RFX4: variants seen among roughly 807,000 people sequenced by gnomAD.
RFX4 encodes the protein regulatory factor X4.
In RFX4, 10 loss-of-function variants were observed where a neutral mutation model predicts 95.0. The observed-to-expected ratio is 0.11, with a 90% CI of 0.06 to 0.18. The LOEUF (loss-of-function observed/expected upper bound fraction) is 0.18, where lower values mean the gene tolerates loss of function less well. Among genes scored for constraint, RFX4 ranks in the 10% least tolerant of loss-of-function variants. The probability of loss-of-function intolerance (pLI) is 1.00; values close to 1 mark genes in which losing one functional copy is unlikely to be tolerated. For missense variants in RFX4, 640 were observed against 922.0 expected (o/e 0.69, Z 3.96); for synonymous variants, 321 against 340.7 (o/e 0.94, Z 0.64).
At chr12:106,630,230 G>A (rs1283346748) in intron 2 of RFX4, among the ~76,000 whole-genome samples, 1 of 152,162 alleles carries the variant, frequency 6.6e-6, no homozygotes, top group African/African-American at 2.4e-5. Flanking sequence ...TTGTACTCAT[G>A]TTGTGGTTTT....
At chr12:106,698,532 T>A (rs2041927120) in intron 8 of RFX4, among the ~76,000 whole-genome samples, 1 of 152,218 alleles carries the variant, frequency 6.6e-6, no homozygotes. Context: ...TTGCTAGATC[T>A]GAATTGTTAA....
intron 1 of RFX4, among the ~76,000 whole-genome samples, chr12:106,591,299 G>A (rs1359367495): frequency 2.0e-5 from 2 of 102,432 alleles, no homozygotes; most frequent in Non-Finnish European, 3.6e-5. Flanking sequence ...ACGGAGTCTT[G>A]CACTGTCACC....
intron 2 of RFX4, among the ~76,000 whole-genome samples, chr12:106,632,714 T>C (rs1459856635): frequency 6.6e-6 from 1 of 152,240 alleles, no homozygotes; most frequent in Admixed American, 6.5e-5. Flanking sequence ...AAATGGGGTC[T>C]TGCCATGTTG....
At chr12:106,653,769 C>T (rs2040901338) in intron 3 of RFX4, among the ~76,000 whole-genome samples, 1 of 152,210 alleles carries the variant, frequency 6.6e-6, no homozygotes. Context: ...CAGACAATCC[C>T]CCTCCATAGC....
intron 2 of RFX4, among the ~76,000 whole-genome samples, chr12:106,628,430 C>G (rs943028642): frequency 1.3e-5 from 2 of 152,174 alleles, no homozygotes; most frequent in Non-Finnish European, 2.9e-5. Context: ...ACCATAAAGC[C>G]TCCCTAGATT....
At chr12:106,695,169 A>G (rs1406993466) in intron 7 of RFX4, among the ~76,000 whole-genome samples, 1 of 152,210 alleles carries the variant, frequency 6.6e-6, no homozygotes, top group Non-Finnish European at 1.5e-5. Flanking sequence ...GTGGAACTCA[A>G]GAGTGCCCAT....
chr12:106,691,738 C>G (rs1270048188), intron 7 of RFX4, among the ~76,000 whole-genome samples: 2 of 152,174 alleles, frequency 1.3e-5, no homozygotes, highest in African/African-American at 4.8e-5. Flanking sequence ...CTGTCTTGTT[C>G]ACTACTATAT....
At chr12:106,593,607 T>C (rs1592829991) in intron 1 of RFX4, among the ~76,000 whole-genome samples, 1 of 152,246 alleles carries the variant, frequency 6.6e-6, no homozygotes, top group African/African-American at 2.4e-5. Context: ...TGCCTTTGTT[T>C]TGAATCTTGG....
intron 8 of RFX4, among the ~76,000 whole-genome samples, chr12:106,708,316 G>A (rs1455230788): frequency 2.0e-5 from 3 of 151,818 alleles, no homozygotes; most frequent in Non-Finnish European, 4.4e-5. Flanking sequence ...TGCTGATGAC[G>A]TCCTTCCTTT....
At chr12:106,583,888 G>A (rs2039412738) in intron 1 of RFX4, among the ~76,000 whole-genome samples, 1 of 152,250 alleles carries the variant, frequency 6.6e-6, no homozygotes, top group Non-Finnish European at 1.5e-5. Flanking sequence ...CGCAGCTGGA[G>A]GGAGTGGCGG....
At chr12:106,760,983 C>T (rs964345625) in intron 17 of RFX4, among the ~76,000 whole-genome samples, 1 of 152,098 alleles carries the variant, frequency 6.6e-6, no homozygotes, top group Non-Finnish European at 1.5e-5. Context: ...TGAGTAAACA[C>T]CAGCCCAACT....
chr12:106,640,085 G>A (rs957084261), intron 3 of RFX4, among the ~76,000 whole-genome samples: 1 of 152,162 alleles, frequency 6.6e-6, no homozygotes, highest in African/African-American at 2.4e-5. Context: ...GGAAAAGAAA[G>A]GAACTAAAAT....
chr12:106,732,073 AG>A, intron 13 of RFX4, 56 bp from the exon 14 acceptor site: 1 of 1,597,482 alleles, frequency 6.3e-7, no homozygotes, highest in Non-Finnish European at 8.5e-7. Context: ...GACCAGACAG[AG>A]GGGGCATACA....
Position 106,619,735 on chromosome 12 carries a change from T to C in RFX4, c.130+10852T>C, listed in dbSNP as rs2040142968. Among the ~76,000 whole-genome samples the C allele has an allele frequency of 2.0e-5, 3 of 152,226 alleles. No homozygotes were observed. In the South Asian group the frequency reaches 6.2e-4, roughly 31 times the overall value. ...ACATGAATATTAGACTTTTCGATTA[T>C]ACTTCATTTTTTTATGTTTTGCTCT... is the stretch of plus-strand genomic sequence containing the variant. On this transcript the variant is annotated intron_variant, in intron 2 of 17. Transcript: ENST00000392842.
chr12:106,759,326 T>A (rs2043169062), intron 17 of RFX4, among the ~76,000 whole-genome samples: 1 of 150,736 alleles, frequency 6.6e-6, no homozygotes, highest in Non-Finnish European at 1.5e-5. Context: ...TGACATGCCA[T>A]GGGACCAGAA....
intron 13 of RFX4, among the ~76,000 whole-genome samples, chr12:106,723,056 G>A (rs567270313): frequency 1.1e-4 from 16 of 152,294 alleles, no homozygotes; most frequent in East Asian, 7.7e-4. Flanking sequence ...TACAATGATC[G>A]TGTGGAATAT....
chr12:106,658,728 G>T (rs1278209371), intron 4 of RFX4, among the ~76,000 whole-genome samples: 4 of 152,146 alleles, frequency 2.6e-5, no homozygotes, highest in African/African-American at 4.8e-5. Context: ...TGGGGCCAGG[G>T]GTCCTGTCAT....
chr12:106,687,143 C>G, intron 6 of RFX4, 46 bp downstream of exon 6: 1 of 1,471,532 alleles, frequency 6.8e-7, no homozygotes, highest in Non-Finnish European at 9.5e-7. Flanking sequence ...GTTTCTCTCT[C>G]TTTCTCTCTC....
intron 4 of RFX4, among the ~76,000 whole-genome samples, chr12:106,662,970 T>A (rs970868289): frequency 6.6e-6 from 1 of 152,108 alleles, no homozygotes; most frequent in Non-Finnish European, 1.5e-5. Context: ...GTAGCTTTAT[T>A]GTACATCTTG....
Sources: gnomAD v4.1 joint callset for allele counts (sites outside exome capture counted in the v4.1 genomes callset) on GRCh38, gnomAD v4.1.1 for gene constraint, MANE v1.5 for transcripts, NCBI Gene and HGNC (gene_info 2026-07-23, HGNC 2026-07-21) for gene names.